The following ENTREP2 variants were observed in gnomAD, a reference collection of about 807,000 sequenced individuals.
ENTREP2 encodes endosomal transmembrane epsin interactor 2, also known as protein ENTREP2.
At chr15:29,416,340 C>T in the ENTREP2 span, among the ~76,000 whole-genome samples, 1 of 152,160 alleles carries the variant, frequency 6.6e-6, no homozygotes, top group Non-Finnish European at 1.5e-5. Context: ...AGAAATAATG[C>T]CGCGTATCTA....
At chr15:29,315,717 T>G in the ENTREP2 span, among the ~76,000 whole-genome samples, 675 of 152,262 alleles carry the variant, frequency 4.4e-3, 7 homozygotes, top group African/African-American at 0.015. Flanking sequence ...TGAACTTAAC[T>G]ACATAAAATA....
chr15:29,567,739 GCTCA>G, the ENTREP2 span, among the ~76,000 whole-genome samples: 2 of 152,192 alleles, frequency 1.3e-5, no homozygotes, highest in Non-Finnish European at 2.9e-5. Context: ...ATAAGTAAGT[GCTCA>G]CTAAGCATGG....
the ENTREP2 span, among the ~76,000 whole-genome samples, chr15:29,482,583 A>G: frequency 6.6e-6 from 1 of 152,208 alleles, no homozygotes; most frequent in Non-Finnish European, 1.5e-5. Context: ...TATCTTGGGA[A>G]TCACAGCAGT....
At chr15:29,626,727 G>C in the ENTREP2 span, among the ~76,000 whole-genome samples, 1 of 151,758 alleles carries the variant, frequency 6.6e-6, no homozygotes, top group Non-Finnish European at 1.5e-5. Flanking sequence ...TCCTTATCTT[G>C]TTCCATATCT....
the ENTREP2 span, among the ~76,000 whole-genome samples, chr15:29,153,393 T>C: frequency 1.3e-5 from 2 of 152,184 alleles, no homozygotes; most frequent in Non-Finnish European, 2.9e-5. Context: ...CCTGTTGGAT[T>C]CTGGTAAGGG....
At chr15:29,168,506 A>C in the ENTREP2 span, among the ~76,000 whole-genome samples, 1 of 152,146 alleles carries the variant, frequency 6.6e-6, no homozygotes, top group Non-Finnish European at 1.5e-5. Context: ...CCTGGGGCAG[A>C]TCTAGGACTG....
the ENTREP2 span, among the ~76,000 whole-genome samples, chr15:29,494,655 C>G: frequency 6.6e-6 from 1 of 152,208 alleles, no homozygotes; most frequent in Non-Finnish European, 1.5e-5. Flanking sequence ...TTGACCAACA[C>G]CTACCCATTT....
At chr15:29,198,688 C>T in the ENTREP2 span, among the ~76,000 whole-genome samples, 1 of 152,268 alleles carries the variant, frequency 6.6e-6, no homozygotes, top group Admixed American at 6.5e-5. Flanking sequence ...TGGCCATGTT[C>T]CTAAAAGGCC....
chr15:29,263,560 G>A, the ENTREP2 span, among the ~76,000 whole-genome samples: 7 of 152,166 alleles, frequency 4.6e-5, no homozygotes, highest in Non-Finnish European at 7.3e-5. Context: ...ATTTATAAGA[G>A]GAATTAATCA....
the ENTREP2 span, among the ~76,000 whole-genome samples, chr15:29,429,425 TC>T: frequency 1.3e-5 from 2 of 152,176 alleles, no homozygotes; most frequent in Non-Finnish European, 2.9e-5. Context: ...CTCACTACGT[TC>T]CCAGGGCTGG....
chr15:29,118,719 C>G, the ENTREP2 span, among the ~76,000 whole-genome samples: 1 of 152,196 alleles, frequency 6.6e-6, no homozygotes, highest in Non-Finnish European at 1.5e-5. Flanking sequence ...GTGTAAAAGC[C>G]GGACCGCCCA....
the ENTREP2 span, among the ~76,000 whole-genome samples, chr15:29,378,581 G>C: frequency 6.6e-6 from 1 of 152,188 alleles, no homozygotes; most frequent in South Asian, 2.1e-4. Flanking sequence ...ACCTGCTACA[G>C]GGAGGAGGGA....
chr15:29,305,860 TAGAG>T, the ENTREP2 span, among the ~76,000 whole-genome samples: 1 of 152,120 alleles, frequency 6.6e-6, no homozygotes, highest in Non-Finnish European at 1.5e-5. Context: ...GAAATCCCAT[TAGAG>T]AGAGAAGCTG....
chr15:29,164,745 TC>T, the ENTREP2 span, among the ~76,000 whole-genome samples: 1 of 152,078 alleles, frequency 6.6e-6, no homozygotes, highest in Non-Finnish European at 1.5e-5. Context: ...ACTTCAATAC[TC>T]CACTGACAGC....
the ENTREP2 span, among the ~76,000 whole-genome samples, chr15:29,637,851 C>T: frequency 2.0e-5 from 3 of 152,260 alleles, no homozygotes; most frequent in East Asian, 5.8e-4. Flanking sequence ...AAATCAAGCT[C>T]GTCGCACTGC....
At chr15:29,490,094 T>C in the ENTREP2 span, among the ~76,000 whole-genome samples, 44 of 152,228 alleles carry the variant, frequency 2.9e-4, no homozygotes, top group East Asian at 7.7e-4. Context: ...CATTTCTGTA[T>C]GTGCGGAATT....
chr15:29,377,404 T>C, the ENTREP2 span, among the ~76,000 whole-genome samples: 12 of 151,974 alleles, frequency 7.9e-5, no homozygotes, highest in South Asian at 4.2e-4. Context: ...GGAGAACGGA[T>C]TGGAGAAGAG....
the ENTREP2 span, among the ~76,000 whole-genome samples, chr15:29,409,620 C>T: frequency 3.9e-5 from 5 of 127,530 alleles, no homozygotes; most frequent in East Asian, 6.3e-4. Context: ...CCACCGTGCC[C>T]GGCCTATTTT....
At chr15:29,258,554 T>C in the ENTREP2 span, among the ~76,000 whole-genome samples, 1 of 152,210 alleles carries the variant, frequency 6.6e-6, no homozygotes, top group Non-Finnish European at 1.5e-5. Flanking sequence ...ATTTTCTAAT[T>C]TGTTTTTTAA....
Sources: allele counts gnomAD v4.1 joint callset (sites outside exome capture counted in the v4.1 genomes callset), GRCh38; gene constraint gnomAD v4.1.1; transcripts MANE v1.5; gene names NCBI Gene and HGNC (gene_info 2026-07-23, HGNC 2026-07-21).